FAM20C: variants seen among roughly 807,000 people sequenced by gnomAD.
FAM20C encodes the protein FAM20C golgi associated secretory pathway kinase.
FAM20C carries 40 observed loss-of-function variants against 51.5 expected under a neutral mutation model. The observed-to-expected ratio is 0.78, with a 90% CI of 0.60 to 1.01. The LOEUF is 1.01. FAM20C is among the 50% of genes least tolerant of loss of function. The pLI is 0.00. For missense variants in FAM20C, 861 were observed against 844.7 expected (o/e 1.02, Z -0.24); for synonymous variants, 406 against 380.6 (o/e 1.07, Z -0.78).
At chr7:232,172 C>T (rs1251225974) in intron 3 of FAM20C, among the ~76,000 whole-genome samples, 1 of 152,234 alleles carries the variant, frequency 6.6e-6, no homozygotes, top group East Asian at 1.9e-4. Flanking sequence ...TTTGCTGACG[C>T]CCTGAGCTGC....
intron 5 of FAM20C, among the ~76,000 whole-genome samples, chr7:253,669 G>A (rs1245980530): frequency 3.0e-5 from 4 of 135,480 alleles, no homozygotes; most frequent in Non-Finnish European, 6.7e-5. Flanking sequence ...CCGGGCGAGG[G>A]GCTGGGCACA....
chr7:241,811 G>A (rs1787955535), intron 3 of FAM20C, among the ~76,000 whole-genome samples: 1 of 151,886 alleles, frequency 6.6e-6, no homozygotes, highest in African/African-American at 2.4e-5. Context: ...GTGTGAATGT[G>A]CATCTGTGTG....
Position 193,535 on chromosome 7 carries a change from C to G in FAM20C, c.336C>G (p.Pro112=), listed in dbSNP as rs2115035248. ...CCCACTCGCTGGAGAAACTGCCGCC[C>G]GCGGCCGAGCCGGCCGAGCGCGCCT... ...LSSHSLEKLP[P]AAEPAERALR... The change falls in exon 1 of 10, where the codon CCC becomes CCG. Residue 112 remains proline, a synonymous_variant. Coordinates refer to ENST00000313766, the MANE Select transcript of FAM20C (RefSeq NM_020223.4). 6.7e-7 allele frequency: 1 copy of G among 1,495,630 alleles called. No individual in the cohort carries two copies. Among genetic ancestry groups the G allele is most frequent in the Admixed American group, 2.2e-5 (1 of 45,786 alleles). The allele number at this position is 1,495,630 out of a possible 1,614,324, so 92.6% of individuals were successfully genotyped here. A position where few individuals can be genotyped will look rare whatever the true frequency, so the allele number is the denominator to read the frequency against.
At chr7:202,822 T>G (rs1396262446) in intron 2 of FAM20C, among the ~76,000 whole-genome samples, 1 of 152,192 alleles carries the variant, frequency 6.6e-6, no homozygotes, top group Non-Finnish European at 1.5e-5. Flanking sequence ...ATGGGGCCCG[T>G]GGACATCTTC....
intron 2 of FAM20C, among the ~76,000 whole-genome samples, chr7:207,950 C>G (rs1786513876): frequency 6.6e-6 from 1 of 152,204 alleles, no homozygotes; most frequent in Non-Finnish European, 1.5e-5. Flanking sequence ...TCCTGGTGGC[C>G]AAAGCTGGAG....
rs910939637 is a variant in FAM20C at position 228,487 on chromosome 7, C to T, written c.864-17928C>T. The T allele has an allele frequency of 7.9e-5, 36 of 456,152 alleles. 1 individual carries two copies. Among genetic ancestry groups the T allele is most frequent in the Middle Eastern group, 3.3e-4 (1 of 3,066 alleles). The allele number at this position is 456,152 out of a possible 1,614,324, so 28.3% of individuals were successfully genotyped here. A position where few individuals can be genotyped will look rare whatever the true frequency, so the allele number is the denominator to read the frequency against. On this transcript the variant is annotated intron_variant, in intron 3 of 9. Transcript: ENST00000313766. Reference sequence around the variant, plus strand: ...CAGTGTGGGGTCAACAAGCCAGGTCCGTGTCCCTGTCCCTCCCCTGTGAGA... The same window carrying T: ...CAGTGTGGGGTCAACAAGCCAGGTCTGTGTCCCTGTCCCTCCCCTGTGAGA...
At chr7:256,070 G>C (rs775008063) in intron 6 of FAM20C, 41 bp downstream of exon 6, 5 of 1,526,240 alleles carry the variant, frequency 3.3e-6, no homozygotes, top group Non-Finnish European at 4.4e-6. Flanking sequence ...GCCACCCTAC[G>C]GCAGAGGGAG....
intron 2 of FAM20C, among the ~76,000 whole-genome samples, chr7:201,836 G>C (rs907178107): frequency 1.3e-5 from 2 of 152,216 alleles, no homozygotes; most frequent in African/African-American, 4.8e-5. Context: ...CCGAGGGTCT[G>C]TGTGGCCCCG....
At position 260,170 on chromosome 7, in the gene FAM20C, A is replaced by G; in HGVS notation, c.*190A>G. 1 of 816,964 alleles carries G rather than the reference A, an allele frequency of 1.2e-6. No individual in the cohort carries two copies. The highest frequency in any genetic ancestry group is 1.8e-6 in the Non-Finnish European group (1 of 568,642). 50.6% of individuals were successfully genotyped at this position (816,964 alleles called of 1,614,324 possible). The stretch of plus-strand genomic sequence containing the variant: ...CATTTTGTCAGTGTTTGACCAGAAA[A>G]GCTTGGGAAGGAAGCGCTGTCTGTG... On this transcript the variant is annotated 3_prime_UTR_variant, in exon 10 of 10. Transcript: ENST00000313766.
intron 2 of FAM20C, among the ~76,000 whole-genome samples, chr7:203,022 G>A (rs917448294): frequency 1.3e-5 from 2 of 152,236 alleles, no homozygotes; most frequent in Admixed American, 6.5e-5. Context: ...AGGGGCAGGT[G>A]TAGAGGGAGA....
intron 4 of FAM20C, among the ~76,000 whole-genome samples, chr7:247,543 G>A (rs947937962): frequency 4.6e-5 from 7 of 152,168 alleles, no homozygotes; most frequent in East Asian, 1.9e-4. Flanking sequence ...CTAGTGACGC[G>A]GGCGTACATT....
Position 193,310 on chromosome 7 carries a change from C to G in FAM20C, c.111C>G (p.Gly37=). 2.8e-6 allele frequency: 4 copies of G among 1,406,540 alleles called. No homozygotes were observed. The highest frequency in any genetic ancestry group is 3.7e-6 in the Non-Finnish European group (4 of 1,072,808). 87.1% of individuals were successfully genotyped at this position (1,406,540 alleles called of 1,614,324 possible). A position where few individuals can be genotyped will look rare whatever the true frequency, so the allele number is the denominator to read the frequency against. Residue 37 remains glycine (G), a synonymous_variant, in exon 1 of 10, where the codon GGC becomes GGG. Transcript: ENST00000313766. ...LDLLPRLERR[G]ARPSGEPGCS... ...TGCTGCCCAGGCTGGAGCGACGCGG[C>G]GCGCGGCCCTCGGGGGAGCCCGGCT...
At chr7:219,153 G>A (rs1294696570) in intron 3 of FAM20C, among the ~76,000 whole-genome samples, 2 of 152,160 alleles carry the variant, frequency 1.3e-5, no homozygotes, top group African/African-American at 2.4e-5. Flanking sequence ...TCCCTTCTCC[G>A]TGATGCAGGA....
chr7:195,019 A>C (rs1223154106), intron 1 of FAM20C, among the ~76,000 whole-genome samples: 2 of 152,144 alleles, frequency 1.3e-5, no homozygotes, highest in Non-Finnish European at 2.9e-5. Context: ...TCCCCACCCA[A>C]GGCTGCTCTC....
chr7:257,089 G>A lies in FAM20C; in HGVS notation c.1445+3G>A. ...ATCCACTTAGACAATGGAAGAGGGT[G>A]AGCCTGTCCTCGCCCCTGCACACCC... On this transcript the variant is annotated splice_donor_region_variant and intron_variant, in intron 8 of 9. Transcript: ENST00000313766. 1 of 1,536,954 alleles carries A rather than the reference G, an allele frequency of 6.5e-7. No homozygotes were observed. Among genetic ancestry groups the A allele is most frequent in the Non-Finnish European group, 8.7e-7 (1 of 1,146,866 alleles).
chr7:247,105 C>G (rs970258224), intron 4 of FAM20C, among the ~76,000 whole-genome samples: 1 of 152,206 alleles, frequency 6.6e-6, no homozygotes, highest in South Asian at 2.1e-4. Context: ...TCTGGGAGAC[C>G]AAAGCAGGCT....
chr7:193,114 C>T lies in FAM20C; in HGVS notation c.-86C>T. The T allele has an allele frequency of 4.8e-6, 6 of 1,242,714 alleles. No homozygotes were observed. The highest frequency in any genetic ancestry group is 6.2e-6 in the Non-Finnish European group (6 of 962,590). 77.0% of individuals were successfully genotyped at this position (1,242,714 alleles called of 1,614,324 possible). A position where few individuals can be genotyped will look rare whatever the true frequency, so the allele number is the denominator to read the frequency against. Reference sequence around the variant, plus strand: ...CCCGGCACCGATGGACCTTGACCCGCGAGGCGGCGCCGCGCTCGTGCCCAG... The same window carrying T: ...CCCGGCACCGATGGACCTTGACCCGTGAGGCGGCGCCGCGCTCGTGCCCAG... On this transcript the variant is annotated 5_prime_UTR_variant, in exon 1 of 10. It introduces an in-frame stop codon into an upstream open reading frame of the 5' UTR. Coordinates refer to ENST00000313766, the MANE Select transcript of FAM20C (RefSeq NM_020223.4).
At chr7:199,828 A>G (rs893623117) in intron 2 of FAM20C, among the ~76,000 whole-genome samples, 26 of 152,202 alleles carry the variant, frequency 1.7e-4, no homozygotes, top group Admixed American at 3.9e-4. Context: ...TTAAATTTCT[A>G]TCATGCACAA....
Position 193,078 on chromosome 7 carries a change from G to A in FAM20C, c.-122G>A, listed in dbSNP as rs1376767755. 6 of 846,912 alleles carry A rather than the reference G, an allele frequency of 7.1e-6. No individual in the cohort carries two copies. Among genetic ancestry groups the A allele is most frequent in the Non-Finnish European group, 9.3e-6 (6 of 645,354 alleles). The allele number at this position is 846,912 out of a possible 1,614,324, so 52.5% of individuals were successfully genotyped here. A position where few individuals can be genotyped will look rare whatever the true frequency, so the allele number is the denominator to read the frequency against. ...GCCCGGGCCCGGGGACAGCCCCGGA[G>A]CTGGTAGCCGCCCGGCACCGATGGA... is the stretch of plus-strand genomic sequence containing the variant. On this transcript the variant is annotated 5_prime_UTR_variant, in exon 1 of 10. Transcript: ENST00000313766.
Sources: gnomAD v4.1 joint callset for allele counts (sites outside exome capture counted in the v4.1 genomes callset) on GRCh38, gnomAD v4.1.1 for gene constraint, MANE v1.5 for transcripts, NCBI Gene and HGNC (gene_info 2026-07-23, HGNC 2026-07-21) for gene names.